The following DMRT1 variants were observed in gnomAD, a reference collection of about 807,000 sequenced individuals.
The protein encoded by DMRT1 is doublesex- and mab-3-related transcription factor 1.
Under a neutral mutation model 32.3 loss-of-function variants are expected in DMRT1, and 7 were observed. The ratio of observed to expected loss-of-function variants is 0.22; its 90% CI spans 0.12 to 0.41. The LOEUF (loss-of-function observed/expected upper bound fraction) is 0.41. DMRT1 is among the 10% of genes least tolerant of loss of function. The pLI is 1.00. For missense variants in DMRT1, 625 were observed against 500.5 expected (o/e 1.25, Z -2.37); for synonymous variants, 278 against 206.1 (o/e 1.35, Z -2.99).
intron 4 of DMRT1, 44 bp from the exon 5 acceptor site, chr9:967,941 T>C: frequency 6.3e-7 from 1 of 1,586,672 alleles, no homozygotes; most frequent in South Asian, 1.1e-5. Context: ...TTAACATTAC[T>C]CCCTTTCTCC....
intron 2 of DMRT1, among the ~76,000 whole-genome samples, chr9:865,081 T>C (rs1407261459): frequency 6.6e-6 from 1 of 152,202 alleles, no homozygotes; most frequent in Admixed American, 6.5e-5. Flanking sequence ...CTCAGAGTCA[T>C]TTTACTGTTT....
At chr9:847,572 G>T (rs1329286382) in intron 2 of DMRT1, among the ~76,000 whole-genome samples, 1 of 152,212 alleles carries the variant, frequency 6.6e-6, no homozygotes, top group Non-Finnish European at 1.5e-5. Flanking sequence ...TGAGCGGGAA[G>T]TAACACCGGA....
At chr9:862,160 G>A (rs1815736602) in intron 2 of DMRT1, among the ~76,000 whole-genome samples, 1 of 150,558 alleles carries the variant, frequency 6.6e-6, no homozygotes, top group South Asian at 2.1e-4. Flanking sequence ...CGGCTGGGAG[G>A]TGGAGGTTGT....
chr9:949,225 G>T (rs1210809170), intron 4 of DMRT1, among the ~76,000 whole-genome samples: 1 of 152,022 alleles, frequency 6.6e-6, no homozygotes, highest in Non-Finnish European at 1.5e-5. Flanking sequence ...CAATTAGCTG[G>T]CATGGTGACG....
chr9:916,653 T>C, intron 3 of DMRT1, 110 bp from the exon 4 acceptor site: 4 of 1,353,706 alleles, frequency 3.0e-6, no homozygotes, highest in Non-Finnish European at 4.2e-6. Flanking sequence ...AACATAGGCA[T>C]GAGCCACTGT....
At chr9:903,943 G>A (rs1287215094) in intron 3 of DMRT1, among the ~76,000 whole-genome samples, 1 of 152,184 alleles carries the variant, frequency 6.6e-6, no homozygotes, top group African/African-American at 2.4e-5. Context: ...TAAGTCCTGG[G>A]CTGTCCTACA....
chr9:919,447 G>C (rs1818286607), intron 4 of DMRT1, among the ~76,000 whole-genome samples: 1 of 152,082 alleles, frequency 6.6e-6, no homozygotes, highest in African/African-American at 2.4e-5. Flanking sequence ...TACAGGGCAA[G>C]TTTTCCTTTT....
At chr9:861,697 A>T (rs556697137) in intron 2 of DMRT1, among the ~76,000 whole-genome samples, 1 of 144,530 alleles carries the variant, frequency 6.9e-6, no homozygotes, top group East Asian at 2.1e-4. Flanking sequence ...GGGGCCCCCC[A>T]CCTCCCAGAC....
chr9:875,133 T>C (rs905657452), intron 2 of DMRT1, among the ~76,000 whole-genome samples: 3 of 152,106 alleles, frequency 2.0e-5, no homozygotes, highest in African/African-American at 7.2e-5. Context: ...AAAACCTGTA[T>C]GTTTGTAGGA....
chr9:882,580 A>T (rs530096223), intron 2 of DMRT1, among the ~76,000 whole-genome samples: 1 of 152,102 alleles, frequency 6.6e-6, no homozygotes, highest in East Asian at 1.9e-4. Flanking sequence ...TGCTGCACAC[A>T]ATGGATGGGC....
intron 4 of DMRT1, among the ~76,000 whole-genome samples, chr9:918,984 G>A (rs1818270803): frequency 1.3e-5 from 2 of 152,206 alleles, no homozygotes; most frequent in African/African-American, 4.8e-5. Context: ...CATTGACACA[G>A]TGGGGTGTTC....
intron 2 of DMRT1, among the ~76,000 whole-genome samples, chr9:849,240 A>C (rs1304836201): frequency 1.3e-5 from 2 of 152,166 alleles, no homozygotes; most frequent in African/African-American, 4.8e-5. Context: ...ATTCTACTTA[A>C]CTGGGACCAG....
intron 4 of DMRT1, among the ~76,000 whole-genome samples, chr9:925,382 A>G (rs1209693760): frequency 6.6e-6 from 1 of 152,178 alleles, no homozygotes; most frequent in African/African-American, 2.4e-5. Context: ...GCCATGTAGA[A>G]TCTTCCCTTT....
At chr9:925,836 C>A (rs1369321981) in intron 4 of DMRT1, among the ~76,000 whole-genome samples, 1 of 152,134 alleles carries the variant, frequency 6.6e-6, no homozygotes, top group East Asian at 1.9e-4. Context: ...AAGGAGGGGT[C>A]CTGTTCCAGT....
chr9:919,741 A>T (rs1400056677), intron 4 of DMRT1, among the ~76,000 whole-genome samples: 1 of 152,098 alleles, frequency 6.6e-6, no homozygotes, highest in Non-Finnish European at 1.5e-5. Flanking sequence ...AAGCTGGGAG[A>T]CCAGTTAGAA....
rs1249215081 is a variant in DMRT1, at chr9:867,397, A to G, written c.538+20254A>G. ...GTGCTTTATTCTGTGCCTCCTAAGCATGCAGTCGGTTTAATTCTCAACTCT... is the reference window on the plus strand; with the variant it reads ...GTGCTTTATTCTGTGCCTCCTAAGCGTGCAGTCGGTTTAATTCTCAACTCT... On this transcript the variant is annotated intron_variant, in intron 2 of 4. Transcript: ENST00000382276. 7.9e-5 allele frequency among the ~76,000 whole-genome samples: 12 copies of G among 152,308 alleles called. No individual in the cohort carries two copies. The East Asian group carries it at 2.3e-3, about 29-fold the overall frequency.
At chr9:879,779 C>T (rs893178668) in intron 2 of DMRT1, among the ~76,000 whole-genome samples, 1 of 152,182 alleles carries the variant, frequency 6.6e-6, no homozygotes, top group Non-Finnish European at 1.5e-5. Flanking sequence ...GCCATAGACT[C>T]TCTTATACTT....
In DMRT1 at chr9:889,345, A is replaced by G. The variant is rs554202126; in HGVS notation, c.539-4567A>G. Among the ~76,000 whole-genome samples the G allele has an allele frequency of 2.6e-5, 4 of 152,352 alleles. No homozygotes were observed. In the South Asian group the frequency reaches 8.3e-4, roughly 32 times the overall value. On this transcript the variant is annotated intron_variant, in intron 2 of 4. Transcript: ENST00000382276. Reference sequence around the variant, plus strand: ...AAGTGGTTAAACATTTTAACAGCGTAAAGGCAGACATCTGCTCTTCCAAAG... The same window carrying G: ...AAGTGGTTAAACATTTTAACAGCGTGAAGGCAGACATCTGCTCTTCCAAAG...
chr9:870,709 C>CTTTTTT lies in DMRT1; in HGVS notation c.539-23188_539-23183dup, dbSNP rs58893896. ...GTTCCCATATTTCTCATTTTCTTGA[C>CTTTTTT]TTTTTTTTTTTTTTTTTTTTGAGAC... is the stretch of plus-strand genomic sequence containing the variant. On this transcript the variant is annotated intron_variant, in intron 2 of 4. Transcript: ENST00000382276. Among the ~76,000 whole-genome samples the CTTTTTT allele has an allele frequency of 7.3e-4, 51 of 69,560 alleles. 9 individuals carry two copies. The highest frequency in any genetic ancestry group is 1.1e-3 in the African/African-American group (17 of 15,260). The allele number at this position is 69,560 out of a possible 152,430, so 45.6% of individuals were successfully genotyped here.
Sources: allele counts gnomAD v4.1 joint callset (sites outside exome capture counted in the v4.1 genomes callset), GRCh38; gene constraint gnomAD v4.1.1; transcripts MANE v1.5; gene names NCBI Gene and HGNC (gene_info 2026-07-23, HGNC 2026-07-21).